SRRM4: variants seen among roughly 807,000 people sequenced by gnomAD.
SRRM4 encodes the protein serine/arginine repetitive matrix protein 4.
A neutral mutation model predicts 68.9 loss-of-function variants in SRRM4; 33 were observed. The observed-to-expected ratio is 0.48, with a 90% confidence interval of 0.36 to 0.64. SRRM4 has a LOEUF of 0.64. SRRM4 is among the 30% of genes least tolerant of loss of function. The probability of loss-of-function intolerance (pLI) is 0.00; values close to 1 mark genes in which losing one functional copy is unlikely to be tolerated. For synonymous variants in SRRM4, 318 were observed against 318.8 expected, an observed-to-expected ratio of 1.00 and a Z score of 0.03; for missense variants, 817 against 827.1, an observed-to-expected ratio of 0.99 and a Z score of 0.15.
chr12:119,073,949 T>C (rs973073291), intron 1 of SRRM4, among the ~76,000 whole-genome samples: 6 of 152,170 alleles, frequency 3.9e-5, no homozygotes, highest in Admixed American at 3.9e-4. Flanking sequence ...CTACTTCTCA[T>C]CTGAAAACTG....
chr12:119,028,465 T>C (rs2136004897), intron 1 of SRRM4, among the ~76,000 whole-genome samples: 1 of 152,304 alleles, frequency 6.6e-6, no homozygotes, highest in Non-Finnish European at 1.5e-5. Flanking sequence ...CCTGCACAAG[T>C]TCTCTTCTCT....
chr12:118,997,466 C>T (rs993998306), intron 1 of SRRM4, among the ~76,000 whole-genome samples: 1 of 152,242 alleles, frequency 6.6e-6, no homozygotes, highest in African/African-American at 2.4e-5. Context: ...ATCTCTCTCT[C>T]TCTCTCCCTT....
chr12:119,062,550 T>C (rs1400193944), intron 1 of SRRM4, among the ~76,000 whole-genome samples: 1 of 152,236 alleles, frequency 6.6e-6, no homozygotes. Flanking sequence ...CTTATTCTAC[T>C]AGCTTTTTTG....
At chr12:119,005,863 C>A (rs1167129760) in intron 1 of SRRM4, among the ~76,000 whole-genome samples, 1 of 152,066 alleles carries the variant, frequency 6.6e-6, no homozygotes, top group Non-Finnish European at 1.5e-5. Flanking sequence ...AATTAGGATT[C>A]GGGAGATCTG....
intron 1 of SRRM4, among the ~76,000 whole-genome samples, chr12:119,033,606 G>A (rs962696320): frequency 6.6e-6 from 1 of 151,552 alleles, no homozygotes; most frequent in Non-Finnish European, 1.5e-5. Flanking sequence ...GGAGGTCGCC[G>A]TGAGCAGAGA....
intron 1 of SRRM4, among the ~76,000 whole-genome samples, chr12:119,097,562 G>A (rs1954053677): frequency 6.6e-6 from 1 of 152,116 alleles, no homozygotes; most frequent in African/African-American, 2.4e-5. Flanking sequence ...AATTCCAGGT[G>A]GGATACCCAA....
intron 2 of SRRM4, among the ~76,000 whole-genome samples, chr12:119,105,990 G>A (rs538799999): frequency 1.3e-5 from 2 of 152,138 alleles, no homozygotes; most frequent in Non-Finnish European, 2.9e-5. Context: ...TTTTGTATAA[G>A]GTGTAAGGAA....
chr12:118,983,700 G>T (rs1208164733), intron 1 of SRRM4, among the ~76,000 whole-genome samples: 1 of 152,122 alleles, frequency 6.6e-6, no homozygotes, highest in East Asian at 1.9e-4. Context: ...ATTCTTGGTG[G>T]TGTTTTGATT....
At chr12:119,092,358 G>C (rs1954018970) in intron 1 of SRRM4, among the ~76,000 whole-genome samples, 1 of 152,042 alleles carries the variant, frequency 6.6e-6, no homozygotes, top group African/African-American at 2.4e-5. Context: ...GTACCCACTT[G>C]CCCACTTGCC....
intron 1 of SRRM4, among the ~76,000 whole-genome samples, chr12:119,088,481 G>A (rs1953993270): frequency 6.6e-6 from 1 of 152,106 alleles, no homozygotes; most frequent in Non-Finnish European, 1.5e-5. Context: ...ATAAAACATT[G>A]TGCTTAGTTT....
At chr12:119,102,518 G>A in intron 2 of SRRM4, 136 bp downstream of exon 2, 3 of 677,782 alleles carry the variant, frequency 4.4e-6, no homozygotes, top group Non-Finnish European at 7.2e-6. Flanking sequence ...TACCGTAGAG[G>A]AACAAATCAG....
At chr12:119,078,804 C>T (rs964109369) in intron 1 of SRRM4, among the ~76,000 whole-genome samples, 1 of 152,122 alleles carries the variant, frequency 6.6e-6, no homozygotes, top group African/African-American at 2.4e-5. Flanking sequence ...GTGGCATGTG[C>T]CTGTAGTCCC....
rs1423257732 is a variant in SRRM4, at chr12:118,981,927, C to T, written c.45C>T (p.Phe15=). The T allele has an allele frequency of 6.8e-6, 11 of 1,613,424 alleles. No individual in the cohort carries two copies. Among genetic ancestry groups the T allele is most frequent in the Admixed American group, 1.7e-5 (1 of 59,962 alleles). Residue 15 remains phenylalanine (F), a synonymous_variant, in exon 1 of 13, where the codon TTC becomes TTT. Transcript: ENST00000267260. ...QQGEKQLFEK[F]WRGTFKAVAT... ...GCGAGAAGCAGCTTTTTGAGAAGTTCTGGCGAGGAACCTTCAAAGCGGTGG... is the reference window on the plus strand; with the variant it reads ...GCGAGAAGCAGCTTTTTGAGAAGTTTTGGCGAGGAACCTTCAAAGCGGTGG...
intron 1 of SRRM4, among the ~76,000 whole-genome samples, chr12:119,090,791 C>T (rs1214323148): frequency 6.6e-6 from 1 of 152,164 alleles, no homozygotes; most frequent in East Asian, 1.9e-4. Context: ...AAAGGCTGGC[C>T]CAGCTCTGAC....
At chr12:119,106,820 G>T (rs12827574) in intron 2 of SRRM4, among the ~76,000 whole-genome samples, 32,181 of 152,096 alleles carry the variant, frequency 0.21, 4,211 homozygotes, top group South Asian at 0.28. Context: ...CTGCCTGATT[G>T]CCCTGGCCGG....
intron 3 of SRRM4, 23 bp downstream of exon 3, chr12:119,114,387 A>G: frequency 1.3e-6 from 2 of 1,582,494 alleles, no homozygotes; most frequent in Non-Finnish European, 8.6e-7. Context: ...AGAGGGAGAT[A>G]AAACCTGTAA....
At chr12:119,063,357 G>C (rs776446115) in intron 1 of SRRM4, among the ~76,000 whole-genome samples, 1 of 152,118 alleles carries the variant, frequency 6.6e-6, no homozygotes, top group African/African-American at 2.4e-5. Flanking sequence ...AACAACAAAG[G>C]TTCCTTTTCA....
intron 1 of SRRM4, among the ~76,000 whole-genome samples, chr12:118,995,899 A>G (rs1953346600): frequency 6.6e-6 from 1 of 152,178 alleles, no homozygotes; most frequent in Non-Finnish European, 1.5e-5. Context: ...CTGTCAGTCA[A>G]GCAACAATTG....
At chr12:119,026,545 TTTTA>T (rs922865697) in intron 1 of SRRM4, among the ~76,000 whole-genome samples, 2 of 151,840 alleles carry the variant, frequency 1.3e-5, no homozygotes, top group Admixed American at 6.6e-5. Flanking sequence ...TAATTTTAAT[TTTTA>T]TTTATTTATT....
Sources: gnomAD v4.1 joint callset for allele counts (sites outside exome capture counted in the v4.1 genomes callset) on GRCh38, gnomAD v4.1.1 for gene constraint, MANE v1.5 for transcripts, NCBI Gene and HGNC (gene_info 2026-07-23, HGNC 2026-07-21) for gene names.